ANO3: variants seen among roughly 807,000 people sequenced by gnomAD.
The protein encoded by ANO3 is anoctamin-3.
A neutral mutation model predicts 144.8 loss-of-function variants in ANO3; 99 were observed. That is an observed-to-expected ratio of 0.68 (90% CI 0.58 to 0.81). ANO3 has a LOEUF of 0.81. Ranked by LOEUF, ANO3 falls within the 30% of genes least tolerant of loss-of-function variation. The pLI, the probability that ANO3 is intolerant of heterozygous loss-of-function variation, is 0.00. For missense variants in ANO3, 905 were observed against 1,202.2 expected (o/e 0.75, Z 3.66); for synonymous variants, 414 against 392.6 (o/e 1.05, Z -0.64).
rs145559609 is a variant in ANO3, at chr11:26,553,003, C to CACAAGTGTAAAAATGGCCTGTTACCATT, written c.1290-242_1290-241insGTGTAAAAATGGCCTGTTACCATTACAA. Among the ~76,000 whole-genome samples the CACAAGTGTAAAAATGGCCTGTTACCATT allele has an allele frequency of 6.6e-5, 10 of 151,714 alleles. No homozygotes were observed. In the East Asian group the frequency reaches 1.2e-3, roughly 18 times the overall value. ...GTAGACAAAGTTTCACCATTTATCA[C>CACAAGTGTAAAAATGGCCTGTTACCATT]ACAATTATCTTGACAGCATTTTCTA... On this transcript the variant is annotated intron_variant, in intron 12 of 26. Coordinates refer to ENST00000256737, the MANE Select transcript of ANO3 (RefSeq NM_031418.4).
chr11:26,489,595 G>A (rs140717111), intron 4 of ANO3, among the ~76,000 whole-genome samples: 1 of 152,318 alleles, frequency 6.6e-6, no homozygotes, highest in Non-Finnish European at 1.5e-5. Flanking sequence ...ACTAGTGCAT[G>A]AAAGCATCCA....
chr11:26,360,757 T>C lies in ANO3; in HGVS notation c.46+28436T>C, dbSNP rs141874121. Among the ~76,000 whole-genome samples, 42 of 152,344 alleles carry C rather than the reference T, an allele frequency of 2.8e-4. No homozygotes were observed. In the East Asian group the frequency reaches 5.0e-3, roughly 18 times the overall value. On this transcript the variant is annotated intron_variant, in intron 1 of 26. Coordinates refer to ENST00000256737, the MANE Select transcript of ANO3 (RefSeq NM_031418.4). Reference sequence around the variant, plus strand: ...TTTGTCAATTTTCTTTGTTACCTTATGTGTTCTAAAAGTTTATTCATATCT... The same window carrying C: ...TTTGTCAATTTTCTTTGTTACCTTACGTGTTCTAAAAGTTTATTCATATCT...
intron 1 of ANO3, among the ~76,000 whole-genome samples, chr11:26,381,148 G>C (rs887817903): frequency 6.6e-6 from 1 of 152,108 alleles, no homozygotes; most frequent in African/African-American, 2.4e-5. Flanking sequence ...ATATGTTACA[G>C]ATCAGAATGT....
intron 14 of ANO3, among the ~76,000 whole-genome samples, chr11:26,582,167 C>G (rs1851152201): frequency 6.6e-6 from 1 of 152,304 alleles, no homozygotes; most frequent in South Asian, 2.1e-4. Context: ...TTGTTCAGTA[C>G]CACACTGCTG....
At chr11:26,591,929 ATGAC>A (rs1362446067) in intron 14 of ANO3, among the ~76,000 whole-genome samples, 1 of 152,132 alleles carries the variant, frequency 6.6e-6, no homozygotes, top group East Asian at 1.9e-4. Context: ...GGTAGATAAA[ATGAC>A]TGGGTAGGGT....
chr11:26,298,914 C>T (rs1490293981), intron 1 of ANO3, among the ~76,000 whole-genome samples: 1 of 152,128 alleles, frequency 6.6e-6, no homozygotes, highest in African/African-American at 2.4e-5. Flanking sequence ...TCAGAGAGAT[C>T]ATTTGGGAAT....
rs569061012 is a variant in ANO3 at position 26,401,880 on chromosome 11, T to C, written c.47-40038T>C. Among the ~76,000 whole-genome samples the C allele has an allele frequency of 2.6e-5, 4 of 152,132 alleles. No individual in the cohort carries two copies. The East Asian group carries it at 7.8e-4, about 30-fold the overall frequency. On this transcript the variant is annotated intron_variant, in intron 1 of 26. Coordinates refer to ENST00000256737, the MANE Select transcript of ANO3 (RefSeq NM_031418.4). ...CCAGACGATTCCACATTGTAGAATC[T>C]GGTACTTTCAATTTCTTGCTGTTCT...
intron 1 of ANO3, among the ~76,000 whole-genome samples, chr11:26,301,768 C>T (rs1854238482): frequency 6.6e-6 from 1 of 152,096 alleles, no homozygotes; most frequent in African/African-American, 2.4e-5. Context: ...TTCTTCCATC[C>T]CTATTGTTAC....
chr11:26,262,460 A>G (rs1050347870), intron 1 of ANO3, among the ~76,000 whole-genome samples: 10 of 152,248 alleles, frequency 6.6e-5, no homozygotes, highest in African/African-American at 2.4e-4. Context: ...TTATATGTTC[A>G]GCTTCTCTTA....
chr11:26,556,506 C>G (rs1850086470), intron 13 of ANO3, among the ~76,000 whole-genome samples: 1 of 151,806 alleles, frequency 6.6e-6, no homozygotes, highest in Admixed American at 6.6e-5. Context: ...ATCAGATCAT[C>G]TAGAACATTT....
At chr11:26,280,268 G>T (rs10834945) in intron 1 of ANO3, among the ~76,000 whole-genome samples, 27,708 of 151,888 alleles carry the variant, frequency 0.18, 2,823 homozygotes, top group African/African-American at 0.29. Flanking sequence ...CATCTACCCC[G>T]CTAGCCTTCA....
At chr11:26,424,059 A>AC (rs1383191213) in intron 1 of ANO3, among the ~76,000 whole-genome samples, 1 of 151,982 alleles carries the variant, frequency 6.6e-6, no homozygotes, top group Non-Finnish European at 1.5e-5. Flanking sequence ...TAAAGGATAA[A>AC]TAAGTGAATT....
chr11:26,218,463 C>T (rs564256596), intron 1 of ANO3, among the ~76,000 whole-genome samples: 45 of 152,106 alleles, frequency 3.0e-4, no homozygotes, highest in Middle Eastern at 3.4e-3. Context: ...GTAACACTTA[C>T]CCTCCCAGGG....
chr11:26,299,492 A>C (rs574967493), intron 1 of ANO3, among the ~76,000 whole-genome samples: 33 of 152,338 alleles, frequency 2.2e-4, no homozygotes, highest in Admixed American at 8.5e-4. Context: ...AAAGGCAACA[A>C]ATAAGTTGAG....
At chr11:26,363,481 C>T (rs1370230248) in intron 1 of ANO3, among the ~76,000 whole-genome samples, 1 of 152,070 alleles carries the variant, frequency 6.6e-6, no homozygotes, top group Non-Finnish European at 1.5e-5. Context: ...TGTCCTTTTC[C>T]TCTGTGTATG....
chr11:26,554,380 C>T (rs1018090130), intron 13 of ANO3, among the ~76,000 whole-genome samples: 1 of 152,090 alleles, frequency 6.6e-6, no homozygotes, highest in Admixed American at 6.6e-5. Context: ...AAAAAGTCTT[C>T]TATTAACATT....
At chr11:26,474,989 G>A (rs1859906679) in intron 4 of ANO3, among the ~76,000 whole-genome samples, 1 of 151,792 alleles carries the variant, frequency 6.6e-6, no homozygotes, top group South Asian at 2.1e-4. Context: ...AAAACCAATA[G>A]AAAATCATAG....
intron 1 of ANO3, among the ~76,000 whole-genome samples, chr11:26,300,846 CTTTTTTTTCTT>C (rs1269657602): frequency 7.1e-6 from 1 of 141,320 alleles, no homozygotes; most frequent in African/African-American, 2.9e-5. Flanking sequence ...TTATTTCTTT[CTTTTTTTTCTT>C]TTTTTTTTTT....
rs562380530 is a variant in ANO3, at chr11:26,213,116, T to C, written c.154+23786T>C. On this transcript the variant is annotated intron_variant, in intron 1 of 27. Transcript: ENST00000672621. ...TTAAAAACTCCTAATAAACTGTGTA[T>C]TGATGAAACGTTATCTCAAAATAAT... Among the ~76,000 whole-genome samples the C allele has an allele frequency of 9.2e-5, 14 of 152,232 alleles. No individual in the cohort carries two copies. The South Asian group carries it at 2.9e-3, about 32-fold the overall frequency.
Sources: allele counts gnomAD v4.1 joint callset (sites outside exome capture counted in the v4.1 genomes callset), GRCh38; gene constraint gnomAD v4.1.1; transcripts MANE v1.5; gene names NCBI Gene and HGNC (gene_info 2026-07-23, HGNC 2026-07-21).